The following FBN3 variants were observed in gnomAD, a reference collection of about 807,000 sequenced individuals.
FBN3 encodes fibrillin-3.
In FBN3, 234 loss-of-function variants were observed where a neutral mutation model predicts 330.1. The observed-to-expected ratio is 0.71, with a 90% CI of 0.64 to 0.79. The LOEUF (loss-of-function observed/expected upper bound fraction) is 0.79, where lower values mean the gene tolerates loss of function less well. FBN3 is among the 30% of genes least tolerant of loss of function. The pLI, the probability that FBN3 is intolerant of heterozygous loss-of-function variation, is 0.00. For synonymous variants in FBN3, 1,458 were observed against 1,517.3 expected, an observed-to-expected ratio of 0.96 and a Z score of 0.91; for missense variants, 3,606 against 3,886.9, an observed-to-expected ratio of 0.93 and a Z score of 1.92.
rs376621511 is a variant in FBN3, at chr19:8,066,098, G to A, written c.8251C>T (p.Arg2751Cys). ...IVRGNEQGFF[R>C]MHHLRGVSSL... is the part of the protein sequence containing the mutation. The stretch of plus-strand genomic sequence containing the variant: ...CTGACGCCACGGAGGTGATGCATGC[G>A]AAAGAAACCTTGCTCGTTTCCGCGG... Residue 2751 changes from arginine (R) to cysteine (C), a missense_variant, in exon 64 of 64, where the codon CGC becomes TGC. Physicochemically the swap from Arg to Cys is radical, Grantham distance 180. Coordinates refer to ENST00000600128, the MANE Select transcript of FBN3 (RefSeq NM_032447.5). 8.1e-6 allele frequency: 13 copies of A among 1,613,420 alleles called. No individual in the cohort carries two copies. Among genetic ancestry groups the A allele is most frequent in the Middle Eastern group, 1.6e-4 (1 of 6,084 alleles).
At chr19:8,071,489 C>T (rs1479818937) in intron 63 of FBN3, among the ~76,000 whole-genome samples, 7 of 152,140 alleles carry the variant, frequency 4.6e-5, no homozygotes, top group African/African-American at 1.4e-4. Context: ...GACTCACCTC[C>T]CCAAGGCTCA....
intron 28 of FBN3, 118 bp from the exon 29 acceptor site, chr19:8,116,917 G>A (rs2082718407): frequency 7.6e-6 from 10 of 1,319,016 alleles, no homozygotes; most frequent in Non-Finnish European, 1.0e-5. Flanking sequence ...ATGGTCACTC[G>A]AGTAGTCTGG....
At chr19:8,081,309 C>T in intron 58 of FBN3, 49 bp downstream of exon 58, 1 of 1,567,456 alleles carries the variant, frequency 6.4e-7, no homozygotes, top group Non-Finnish European at 8.6e-7. Context: ...CTTTGGGGCC[C>T]TAGACTGCAT....
Position 8,087,872 on chromosome 19 carries a change from G to A in FBN3, c.6572C>T (p.Thr2191Ile), listed in dbSNP as rs751620059. ...CHNTEGSYLC[T>I]CPAGYTLRED... ...CCGCAGGGTGTAGCCGGCTGGACAG[G>A]TGCACAGGTAGGAGCCCTCGGTATT... Residue 2191 changes from threonine to isoleucine, a missense_variant, in exon 53 of 64, where the codon ACC becomes ATC. Thr to Ile is a moderately conservative substitution (Grantham distance 89, BLOSUM62 -1). Coordinates refer to ENST00000600128, the MANE Select transcript of FBN3 (RefSeq NM_032447.5). 9 of 1,614,150 alleles carry A rather than the reference G, an allele frequency of 5.6e-6. No homozygotes were observed. Among genetic ancestry groups the A allele is most frequent in the Non-Finnish European group, 6.8e-6 (8 of 1,180,020 alleles).
chr19:8,142,001 A>T lies in FBN3; in HGVS notation c.678T>A (p.Pro226=). The T allele has an allele frequency of 6.2e-7, 1 of 1,614,210 alleles. No homozygotes were observed. Among genetic ancestry groups the T allele is most frequent in the Non-Finnish European group, 8.5e-7 (1 of 1,180,028 alleles). Reference sequence around the variant, plus strand: ...CGCGGCGGCAGGGGTGTGGCTGTGCAGGGCAAAGTTCACATGGAAGGCCCC... The same window carrying T: ...CGCGGCGGCAGGGGTGTGGCTGTGCTGGGCAAAGTTCACATGGAAGGCCCC... ...RAWGLPCELC[P]AQPHPCRRGF... Residue 226 remains proline (P), a synonymous_variant, in exon 7 of 64, where the codon CCT becomes CCA. Transcript: ENST00000600128.
chr19:8,079,527 T>G (rs2081724544), intron 59 of FBN3, among the ~76,000 whole-genome samples: 2 of 152,158 alleles, frequency 1.3e-5, no homozygotes, highest in South Asian at 4.1e-4. Flanking sequence ...TTTCCTGAAC[T>G]CCTGCTTTTA....
Position 8,110,054 on chromosome 19 carries a change from C to A in FBN3, c.4334-301G>T, listed in dbSNP as rs145781064. 4.3e-3 allele frequency among the ~76,000 whole-genome samples: 658 copies of A among 152,240 alleles called. 1 individual carries two copies. The highest frequency in any genetic ancestry group is 0.017 in the Middle Eastern group (5 of 294). On this transcript the variant is annotated intron_variant, in intron 34 of 63. Transcript: ENST00000600128. Reference sequence around the variant, plus strand: ...TATGAAAATCATATCTATTTTATTTCCGTAATTTATTGATGTTTAGAGACA... The same window carrying A: ...TATGAAAATCATATCTATTTTATTTACGTAATTTATTGATGTTTAGAGACA...
At position 8,117,157 on chromosome 19, in the gene FBN3, G is replaced by T. The variant is rs568280329; in HGVS notation, c.3586+12C>A. 2.0e-5 allele frequency: 32 copies of T among 1,613,916 alleles called. 1 individual carries two copies. The South Asian group carries it at 3.3e-4, about 17-fold the overall frequency. On this transcript the variant is annotated intron_variant, in intron 28 of 63. Transcript: ENST00000600128. ...CCACACCAGGCAGTGGGAAGAAGTT[G>T]TGCCCACCTACCTGCACATGCCCTT... is the stretch of plus-strand genomic sequence containing the variant.
intron 38 of FBN3, among the ~76,000 whole-genome samples, chr19:8,105,372 C>G (rs1313855820): frequency 6.6e-6 from 1 of 151,952 alleles, no homozygotes; most frequent in Admixed American, 6.6e-5. Context: ...ATCCTCCTGC[C>G]TCAGCCTCCC....
rs2287937 is a variant in FBN3, at chr19:8,065,536, C to G, written c.*383G>C. The G allele has an allele frequency of 0.15, 32,695 of 216,934 alleles. 3,165 individuals are homozygous for G. The highest frequency in any genetic ancestry group is 0.41 in the East Asian group (4,061 of 9,898). 13.4% of individuals were successfully genotyped at this position (216,934 alleles called of 1,614,324 possible). ...TCTACTCCGAGGAATAAGCCCTGTGCCCACCCCAGTTGCCCATTGCCATGT... is the reference window on the plus strand; with the variant it reads ...TCTACTCCGAGGAATAAGCCCTGTGGCCACCCCAGTTGCCCATTGCCATGT... On this transcript the variant is annotated 3_prime_UTR_variant, in exon 64 of 64. Transcript: ENST00000600128.
rs201538212 is a variant in FBN3, at chr19:8,126,531, G to T, written c.2491C>A (p.Arg831=). ...CCGAGGGTGGCGCAGCACTCAGACC[G>T]CAGGCTGGCTCCCTGAAGGTTCACC... The part of the protein sequence containing the change: ...CEVNLQGASL[R]SECCATLGAA... Residue 831 remains arginine, a synonymous_variant, in exon 20 of 64, where the codon CGG becomes AGG. Transcript: ENST00000600128. 20 of 1,613,050 alleles carry T rather than the reference G, an allele frequency of 1.2e-5. No homozygotes were observed. The Admixed American group carries it at 1.7e-4, about 13-fold the overall frequency.
intron 63 of FBN3, among the ~76,000 whole-genome samples, chr19:8,070,857 T>C (rs2081495767): frequency 6.6e-6 from 1 of 152,016 alleles, no homozygotes; most frequent in Admixed American, 6.6e-5. Context: ...ACCCCGTCTC[T>C]ACTAAAAATA....
rs972984163 is a variant in FBN3 at position 8,065,680 on chromosome 19, G to C, written c.*239C>G. On this transcript the variant is annotated 3_prime_UTR_variant, in exon 64 of 64. Transcript: ENST00000600128. Reference sequence around the variant, plus strand: ...TTCCTGACCTTGGCTGTGGGGGCAGGGGGATTGCACATTGCAGCTTCTTGC... The same window carrying C: ...TTCCTGACCTTGGCTGTGGGGGCAGCGGGATTGCACATTGCAGCTTCTTGC... 1 of 516,018 alleles carries C rather than the reference G, an allele frequency of 1.9e-6. No homozygotes were observed. Among genetic ancestry groups the C allele is most frequent in the Non-Finnish European group, 3.4e-6 (1 of 294,742 alleles). 32.0% of individuals were successfully genotyped at this position (516,018 alleles called of 1,614,324 possible). A position where few individuals can be genotyped will look rare whatever the true frequency, so the allele number is the denominator to read the frequency against.
chr19:8,139,115 G>A (rs1200267005), intron 8 of FBN3, among the ~76,000 whole-genome samples: 2 of 152,116 alleles, frequency 1.3e-5, no homozygotes, highest in African/African-American at 2.4e-5. Context: ...TTGGGAGGCT[G>A]AGGCGGGTAG....
chr19:8,101,116 C>A, intron 40 of FBN3, 144 bp from the exon 41 acceptor site: 1 of 556,198 alleles, frequency 1.8e-6, no homozygotes. Context: ...CCTTTCCCTC[C>A]TTCCACTTAT....
chr19:8,131,706 T>C lies in FBN3; in HGVS notation c.1838A>G (p.Asp613Gly). ...ATAGCAGGTGCTGCGCACGTGGGTG[T>C]CCACGCACACGCGGCCATCCGTGCC... Reference protein sequence around the residue: ...AVGTDGRVCVDTHVRSTCYGA... With the variant: ...AVGTDGRVCVGTHVRSTCYGA... The change falls in exon 15 of 64, where the codon GAC becomes GGC. Residue 613 changes from aspartate (D) to glycine (G), a missense_variant. Transcript: ENST00000600128. This position sits in a 1 kb window ranked among gnomAD's most constrained non-coding sequence, Gnocchi z 4.5. 3 of 1,614,022 alleles carry C rather than the reference T, an allele frequency of 1.9e-6. No homozygotes were observed. Among genetic ancestry groups the C allele is most frequent in the Non-Finnish European group, 2.5e-6 (3 of 1,179,992 alleles).
Position 8,129,838 on chromosome 19 carries a change from G to C in FBN3, c.2045-473C>G, listed in dbSNP as rs562563165. ...TTTGGGAGGCTGAGGTGGGAGGATTGCTTGAGCCCAGGAGTTTGAGACCAG... is the reference window on the plus strand; with the variant it reads ...TTTGGGAGGCTGAGGTGGGAGGATTCCTTGAGCCCAGGAGTTTGAGACCAG... On this transcript the variant is annotated intron_variant, in intron 16 of 63. Transcript: ENST00000600128. The surrounding 1 kb of genome is among the most constrained non-coding windows in gnomAD (Gnocchi z 4.5). 3.3e-5 allele frequency among the ~76,000 whole-genome samples: 5 copies of C among 151,986 alleles called. No homozygotes were observed. In the East Asian group the frequency reaches 5.8e-4, roughly 18 times the overall value.
At chr19:8,117,382 T>A in intron 27 of FBN3, 82 bp downstream of exon 27, 1 of 1,543,624 alleles carries the variant, frequency 6.5e-7, no homozygotes, top group Non-Finnish European at 8.7e-7. Context: ...CAGAGTGGAG[T>A]TGAGGTGAGG....
intron 56 of FBN3, among the ~76,000 whole-genome samples, chr19:8,084,845 C>T (rs1268769280): frequency 6.6e-6 from 1 of 151,838 alleles, no homozygotes; most frequent in Non-Finnish European, 1.5e-5. Flanking sequence ...GCCTCAGCCT[C>T]CCAAAGTGCT....
Sources: gnomAD v4.1 joint callset for allele counts (sites outside exome capture counted in the v4.1 genomes callset) on GRCh38, gnomAD v4.1.1 for gene constraint, Gnocchi (gnomAD v3.1) non-coding constraint, MANE v1.5 for transcripts, NCBI Gene and HGNC (gene_info 2026-07-23, HGNC 2026-07-21) for gene names.